The following RAB3C variants were observed in gnomAD, a reference collection of about 807,000 sequenced individuals.
RAB3C encodes RAB3C, member RAS oncogene family.
RAB3C carries 17 observed loss-of-function variants against 26.4 expected under a neutral mutation model. The ratio of observed to expected loss-of-function variants is 0.64; its 90% CI spans 0.44 to 0.97. The LOEUF (loss-of-function observed/expected upper bound fraction) is 0.97. Among genes scored for constraint, RAB3C ranks in the 50% least tolerant of loss-of-function variants. The probability of loss-of-function intolerance (pLI) is 0.00; values close to 1 mark genes in which losing one functional copy is unlikely to be tolerated. For missense variants in RAB3C, 242 were observed against 281.9 expected (o/e 0.86, Z 1.01); for synonymous variants, 91 against 95.9 (o/e 0.95, Z 0.30).
chr5:58,649,365 A>G (rs745338677), intron 2 of RAB3C, among the ~76,000 whole-genome samples: 21 of 151,926 alleles, frequency 1.4e-4, no homozygotes, highest in Non-Finnish European at 3.1e-4. Flanking sequence ...TCCATTTTCC[A>G]AACTCACTGG....
intron 1 of RAB3C, among the ~76,000 whole-genome samples, chr5:58,611,210 T>A (rs189178666): frequency 1.3e-5 from 2 of 152,238 alleles, no homozygotes; most frequent in East Asian, 3.9e-4. Flanking sequence ...TGTCTCTTTA[T>A]AATAGAACAA....
At chr5:58,688,986 C>T (rs1201921448) in intron 2 of RAB3C, among the ~76,000 whole-genome samples, 1 of 151,958 alleles carries the variant, frequency 6.6e-6, no homozygotes, top group Non-Finnish European at 1.5e-5. Flanking sequence ...ATTTGTTGAC[C>T]TTTTACTCTG....
intron 1 of RAB3C, among the ~76,000 whole-genome samples, chr5:58,594,851 C>CTT (rs368470766): frequency 0.41 from 54,889 of 132,824 alleles, 11,738 homozygotes; most frequent in Non-Finnish European, 0.5. Context: ...AACATGTAGG[C>CTT]TTTTTTTTTT....
At chr5:58,822,413 T>C (rs1743364265) in intron 3 of RAB3C, 1 of 153,298 alleles carries the variant, frequency 6.5e-6, no homozygotes, top group African/African-American at 2.4e-5. Flanking sequence ...TATTAAGTGT[T>C]TAGAAAAATA....
intron 2 of RAB3C, among the ~76,000 whole-genome samples, chr5:58,631,080 G>T (rs939319755): frequency 1.3e-5 from 2 of 152,200 alleles, no homozygotes; most frequent in Non-Finnish European, 1.5e-5. Flanking sequence ...GTGAGAGAAT[G>T]AGTAAATGAA....
chr5:58,651,125 C>G (rs1248837965), intron 2 of RAB3C, among the ~76,000 whole-genome samples: 1 of 152,162 alleles, frequency 6.6e-6, no homozygotes, highest in East Asian at 1.9e-4. Flanking sequence ...TTTCTATTCA[C>G]TATGCAACCT....
intron 3 of RAB3C, among the ~76,000 whole-genome samples, chr5:58,817,660 T>C (rs1743246609): frequency 6.6e-6 from 1 of 152,180 alleles, no homozygotes; most frequent in South Asian, 2.1e-4. Context: ...ATCCTAATAA[T>C]ACGCAGCCCT....
chr5:58,610,261 G>C (rs748651729), intron 1 of RAB3C, among the ~76,000 whole-genome samples: 5 of 144,636 alleles, frequency 3.5e-5, no homozygotes, highest in Non-Finnish European at 7.6e-5. Flanking sequence ...ATCCCTAGGA[G>C]TGGGATTGTT....
At chr5:58,599,115 T>A (rs1746394487) in intron 1 of RAB3C, among the ~76,000 whole-genome samples, 1 of 152,128 alleles carries the variant, frequency 6.6e-6, no homozygotes, top group Non-Finnish European at 1.5e-5. Context: ...AGGGCTGGGA[T>A]TCCTTCTTTG....
intron 3 of RAB3C, among the ~76,000 whole-genome samples, chr5:58,817,479 C>A (rs1215254223): frequency 5.9e-5 from 9 of 152,184 alleles, no homozygotes; most frequent in Non-Finnish European, 1.2e-4. Context: ...GCATGTGTAA[C>A]TAATCAGACT....
chr5:58,631,300 A>G (rs1455997562), intron 2 of RAB3C, among the ~76,000 whole-genome samples: 1 of 152,186 alleles, frequency 6.6e-6, no homozygotes, highest in East Asian at 1.9e-4. Flanking sequence ...AAACTGGGCA[A>G]CTGAGTGGAG....
intron 2 of RAB3C, among the ~76,000 whole-genome samples, chr5:58,674,498 G>T (rs1477660680): frequency 6.6e-6 from 1 of 152,176 alleles, no homozygotes; most frequent in Non-Finnish European, 1.5e-5. Context: ...GTGGGAAATG[G>T]CATATAATGC....
chr5:58,765,560 A>G (rs769880137), intron 3 of RAB3C, among the ~76,000 whole-genome samples: 4 of 152,066 alleles, frequency 2.6e-5, no homozygotes, highest in Non-Finnish European at 4.4e-5. Context: ...AAGTAAATAT[A>G]TAATCACATG....
At chr5:58,792,340 CT>C (rs1259948943) in intron 3 of RAB3C, among the ~76,000 whole-genome samples, 1 of 152,140 alleles carries the variant, frequency 6.6e-6, no homozygotes, top group Non-Finnish European at 1.5e-5. Flanking sequence ...AGCCCTATGG[CT>C]ATGGGGGCAA....
intron 3 of RAB3C, among the ~76,000 whole-genome samples, chr5:58,777,385 A>G (rs1742167647): frequency 1.3e-5 from 2 of 152,162 alleles, no homozygotes; most frequent in Admixed American, 6.6e-5. Flanking sequence ...TAGAACGCCT[A>G]GTCCTGCCTT....
At chr5:58,655,014 T>C (rs954327413) in intron 2 of RAB3C, among the ~76,000 whole-genome samples, 1 of 152,218 alleles carries the variant, frequency 6.6e-6, no homozygotes. Context: ...TCTGTACTTA[T>C]AATTTTATTT....
intron 3 of RAB3C, among the ~76,000 whole-genome samples, chr5:58,803,346 G>A (rs1222040257): frequency 6.6e-6 from 1 of 152,126 alleles, no homozygotes; most frequent in South Asian, 2.1e-4. Context: ...TTACTGATGA[G>A]CTTAAAAATG....
At chr5:58,724,966 GA>G (rs1276188997) in intron 2 of RAB3C, among the ~76,000 whole-genome samples, 3 of 151,886 alleles carry the variant, frequency 2.0e-5, no homozygotes, top group Non-Finnish European at 4.4e-5. Flanking sequence ...CTAGAGTTAT[GA>G]GGGGATTGCC....
chr5:58,765,855 T>A (rs1156294464), intron 3 of RAB3C, among the ~76,000 whole-genome samples: 1 of 152,072 alleles, frequency 6.6e-6, no homozygotes, highest in African/African-American at 2.4e-5. Context: ...GGTGATTGGA[T>A]CATGGGGGCA....
Sources: allele counts gnomAD v4.1 joint callset (sites outside exome capture counted in the v4.1 genomes callset), GRCh38; gene constraint gnomAD v4.1.1; transcripts MANE v1.5; gene names NCBI Gene and HGNC (gene_info 2026-07-23, HGNC 2026-07-21).